Variants in ZNF697 observed in about 807,000 individuals in gnomAD.
The protein encoded by ZNF697 is zinc finger protein 697.
In ZNF697, 23 loss-of-function variants were observed where a neutral mutation model predicts 32.4. The observed-to-expected ratio is 0.71, with a 90% CI of 0.51 to 1.01. The LOEUF (loss-of-function observed/expected upper bound fraction) is 1.01, where lower values mean the gene tolerates loss of function less well. Ranked by LOEUF, ZNF697 falls within the 50% of genes least tolerant of loss-of-function variation. The pLI, the probability that ZNF697 is intolerant of heterozygous loss-of-function variation, is 0.00. For missense variants in ZNF697, 930 were observed against 794.0 expected, an observed-to-expected ratio of 1.17 and a Z score of -2.06; for synonymous variants, 418 against 337.2, an observed-to-expected ratio of 1.24 and a Z score of -2.62.
At chr1:119,631,329 C>G (rs1419542385) in intron 1 of ZNF697, among the ~76,000 whole-genome samples, 2 of 152,228 alleles carry the variant, frequency 1.3e-5, no homozygotes, top group African/African-American at 4.8e-5. Context: ...TCCTTTGACT[C>G]CAGTAACTGA....
chr1:119,634,937 T>G (rs1052730529), intron 1 of ZNF697, among the ~76,000 whole-genome samples: 2 of 152,208 alleles, frequency 1.3e-5, no homozygotes, highest in Admixed American at 1.3e-4. Flanking sequence ...CTTTAAGAGA[T>G]ATATAATGAA....
chr1:119,622,727 T>C lies in ZNF697; in HGVS notation c.1616A>G (p.His539Arg), dbSNP rs1173585334. ...GFRYKTHLAQ[H>R]QKLHLC ...CCCCTAACACAGGTGCAGCTTCTGGTGCTGCGCGAGGTGCGTTTTATAGCG... is the reference window on the plus strand; with the variant it reads ...CCCCTAACACAGGTGCAGCTTCTGGCGCTGCGCGAGGTGCGTTTTATAGCG... Residue 539 changes from histidine (H) to arginine (R), a missense_variant, in exon 3 of 3, where the codon CAC (histidine) becomes CGC (arginine). His to Arg is a conservative substitution (Grantham distance 29). Transcript: ENST00000421812. 6.5e-7 allele frequency: 1 copy of C among 1,547,652 alleles called. No individual in the cohort carries two copies.
At position 119,622,762 on chromosome 1, in the gene ZNF697, G is replaced by T; in HGVS notation, c.1581C>A (p.Gly527=). ...GGTGCGTTTTATAGCGGAAGCCTTTGCCGCAGCCCGCACACTTGTGCGGCT... is the reference window on the plus strand; with the variant it reads ...GGTGCGTTTTATAGCGGAAGCCTTTTCCGCAGCCCGCACACTTGTGCGGCT... ...GNKPHKCAGC[G]KGFRYKTHLA... The change falls in exon 3 of 3, where the codon GGC becomes GGA. Residue 527 remains glycine, a synonymous_variant. Transcript: ENST00000421812. The T allele has an allele frequency of 6.3e-7, 1 of 1,582,326 alleles. No individual in the cohort carries two copies.
rs1230077126 is a variant in ZNF697, at chr1:119,623,300, G to C, written c.1043C>G (p.Ala348Gly). ...CCCGCAGGCGAAGGGCCGCAGCGCC[G>C]CCGCCCCCGCGCCGCTGGCCGCCGC... is the stretch of plus-strand genomic sequence containing the variant. ...AHAAASGAGA[A>G]ALRPFACGEC... The change falls in exon 3 of 3, where the codon GCG becomes GGG. Residue 348 changes from alanine to glycine, a missense_variant. By Grantham distance (60) the Ala-to-Gly change is moderately conservative. Transcript: ENST00000421812. 8 of 1,362,982 alleles carry C rather than the reference G, an allele frequency of 5.9e-6. No homozygotes were observed. Among genetic ancestry groups the C allele is most frequent in the Middle Eastern group, 2.1e-4 (1 of 4,832 alleles). 84.4% of individuals were successfully genotyped at this position (1,362,982 alleles called of 1,614,324 possible). A position where few individuals can be genotyped will look rare whatever the true frequency, so the allele number is the denominator to read the frequency against.
intron 1 of ZNF697, among the ~76,000 whole-genome samples, chr1:119,644,602 A>T (rs903398444): frequency 2.0e-5 from 3 of 152,214 alleles, no homozygotes; most frequent in African/African-American, 7.2e-5. Flanking sequence ...GCTTCTCTCC[A>T]AGCCCTAGTT....
At position 119,626,228 on chromosome 1, in the gene ZNF697, A is replaced by G. The variant is rs587696979; in HGVS notation, c.-37-91T>C. 1,719 of 1,472,534 alleles carry G rather than the reference A, an allele frequency of 1.2e-3. 31 individuals carry two copies. The South Asian group carries it at 0.023, about 19-fold the overall frequency. 91.2% of individuals were successfully genotyped at this position (1,472,534 alleles called of 1,614,324 possible). On this transcript the variant is annotated intron_variant, in intron 1 of 2. Transcript: ENST00000421812. ...TTAATTTCCAATTCTAATAAAATGT[A>G]TGGAGTTCCAAGCCCCAGATGGCAA...
At chr1:119,626,189 C>T in intron 1 of ZNF697, 52 bp from the exon 2 acceptor site, 2 of 1,554,416 alleles carry the variant, frequency 1.3e-6, no homozygotes, top group Non-Finnish European at 1.7e-6. Context: ...CTCATCCCCT[C>T]ACCACGCCCA....
At chr1:119,633,955 C>A (rs1648853153) in intron 1 of ZNF697, among the ~76,000 whole-genome samples, 1 of 152,230 alleles carries the variant, frequency 6.6e-6, no homozygotes. Flanking sequence ...AACACTCCTA[C>A]AGCAGAAAGA....
intron 1 of ZNF697, among the ~76,000 whole-genome samples, chr1:119,633,593 G>T (rs1648844515): frequency 6.6e-6 from 1 of 152,108 alleles, no homozygotes; most frequent in Admixed American, 6.5e-5. Flanking sequence ...CCACATTATG[G>T]TGGGCAATGT....
Position 119,623,794 on chromosome 1 carries a change from G to T in ZNF697, c.549C>A (p.Ser183Arg). The change falls in exon 3 of 3, where the codon AGC (serine) becomes AGA (arginine). Residue 183 changes from serine (S) to arginine (R), a missense_variant. Coordinates refer to ENST00000421812, the MANE Select transcript of ZNF697 (RefSeq NM_001080470.2). ...DLGELDSLVA[S>R]IMDAPTICPD... The stretch of plus-strand genomic sequence containing the variant: ...GGCAGATGGTGGGCGCGTCCATGAT[G>T]CTGGCCACCAGGCTATCCAGCTCCC... The T allele has an allele frequency of 6.5e-7, 1 of 1,547,434 alleles. No homozygotes were observed.
rs1339954305 is a variant in ZNF697, at chr1:119,620,394, A to T, written c.*2311T>A. The T allele has an allele frequency of 6.6e-6, 1 of 152,652 alleles. No individual in the cohort carries two copies. Among genetic ancestry groups the T allele is most frequent in the African/African-American group, 2.4e-5 (1 of 41,442 alleles). The allele number at this position is 152,652 out of a possible 1,614,324, so 9.5% of individuals were successfully genotyped here. ...AAAAGCAAAAAAAAAGCGGATAATC[A>T]ATCCATGAATAATCAAAAGTTGGAT... On this transcript the variant is annotated 3_prime_UTR_variant, in exon 3 of 3. Coordinates refer to ENST00000421812, the MANE Select transcript of ZNF697 (RefSeq NM_001080470.2).
Position 119,623,967 on chromosome 1 carries a change from C to G in ZNF697, c.376G>C (p.Glu126Gln). ...LREDDDESAG[E>Q]NRLEEEEEQP... is the part of the protein sequence containing the mutation. ...TCCTCTTCCTCCTCCAGCCGGTTCT[C>G]CCCAGCACTCTCGTCGTCGTCCTCC... The change falls in exon 3 of 3, where the codon GAG (glutamate) becomes CAG (glutamine). Residue 126 changes from glutamate to glutamine, a missense_variant. Physicochemically the swap from Glu to Gln is conservative, Grantham distance 29 (BLOSUM62 2). Transcript: ENST00000421812. 1 of 1,607,876 alleles carries G rather than the reference C, an allele frequency of 6.2e-7. No homozygotes were observed. Among genetic ancestry groups the G allele is most frequent in the Non-Finnish European group, 8.5e-7 (1 of 1,177,310 alleles).
At chr1:119,645,270 T>TA (rs1649172001) in intron 1 of ZNF697, among the ~76,000 whole-genome samples, 1 of 152,174 alleles carries the variant, frequency 6.6e-6, no homozygotes, top group African/African-American at 2.4e-5. Flanking sequence ...TCCATCCCAT[T>TA]TTCTAAAGAA....
chr1:119,626,275 TTAAAG>T lies in ZNF697; in HGVS notation c.-37-143_-37-139del. The T allele has an allele frequency of 4.2e-6, 5 of 1,204,746 alleles. No homozygotes were observed. In the South Asian group the frequency reaches 6.4e-5, roughly 15 times the overall value. The allele number at this position is 1,204,746 out of a possible 1,614,324, so 74.6% of individuals were successfully genotyped here. On this transcript the variant is annotated intron_variant, in intron 1 of 2. Transcript: ENST00000421812. ...GCAAACCTCCACTTCACTCCACATT[TTAAAG>T]TAAACAAGTGAGTGCAAAGGAGGGT... is the stretch of plus-strand genomic sequence containing the variant.
At chr1:119,645,777 AG>A (rs200288902) in intron 1 of ZNF697, among the ~76,000 whole-genome samples, 4,973 of 152,122 alleles carry the variant, frequency 0.033, 262 homozygotes, top group African/African-American at 0.11. Context: ...GGCAGGTGAA[AG>A]AAAAGAAAAA....
intron 1 of ZNF697, among the ~76,000 whole-genome samples, chr1:119,645,719 G>A (rs760687495): frequency 6.6e-6 from 1 of 152,088 alleles, no homozygotes; most frequent in African/African-American, 2.4e-5. Context: ...TACTTTTGTT[G>A]ATTATATTAA....
intron 1 of ZNF697, among the ~76,000 whole-genome samples, chr1:119,636,222 A>C (rs1570945887): frequency 6.6e-6 from 1 of 152,138 alleles, no homozygotes; most frequent in East Asian, 1.9e-4. Flanking sequence ...CTTGAGCATG[A>C]GTTCTTAGCC....
At chr1:119,641,589 C>T (rs347909) in intron 1 of ZNF697, among the ~76,000 whole-genome samples, 102,324 of 151,938 alleles carry the variant, frequency 0.67, 34,798 homozygotes, top group East Asian at 0.92. Context: ...AACACTGATA[C>T]GGTTTGGCTG....
intron 1 of ZNF697, among the ~76,000 whole-genome samples, chr1:119,634,076 G>C (rs938817029): frequency 7.9e-5 from 12 of 152,242 alleles, no homozygotes; most frequent in African/African-American, 2.4e-4. Flanking sequence ...CTTGTTCTGG[G>C]AAAGTTGATG....
Sources: allele counts gnomAD v4.1 joint callset (sites outside exome capture counted in the v4.1 genomes callset), GRCh38; gene constraint gnomAD v4.1.1; transcripts MANE v1.5; gene names NCBI Gene and HGNC (gene_info 2026-07-23, HGNC 2026-07-21).